UBE2R2: variants seen among roughly 807,000 people sequenced by gnomAD.
The protein encoded by UBE2R2 is ubiquitin conjugating enzyme E2 R2, also known as ubiquitin-conjugating enzyme E2 R2.
Under a neutral mutation model 27.8 loss-of-function variants are expected in UBE2R2, and 1 was observed. That is an observed-to-expected ratio of 0.04 (90% confidence interval 0.01 to 0.17). The LOEUF (loss-of-function observed/expected upper bound fraction) is 0.17. UBE2R2 is among the 10% of genes least tolerant of loss of function. The pLI is 1.00. For synonymous variants in UBE2R2, 106 were observed against 113.3 expected, an observed-to-expected ratio of 0.94 and a Z score of 0.41; for missense variants, 100 against 291.0, an observed-to-expected ratio of 0.34 and a Z score of 4.78.
intron 1 of UBE2R2, chr9:33,818,938 G>A (rs907597256): frequency 6.6e-6 from 1 of 152,060 alleles, no homozygotes; most frequent in Non-Finnish European, 1.5e-5. Flanking sequence ...TATCATTCCA[G>A]AATCTAATGA....
chr9:33,902,743 A>G (rs1466582484), intron 3 of UBE2R2, among the ~76,000 whole-genome samples: 1 of 152,244 alleles, frequency 6.6e-6, no homozygotes, highest in Non-Finnish European at 1.5e-5. Flanking sequence ...AAAGTGTCCT[A>G]CGTAGCAAAT....
chr9:33,894,309 G>T (rs1408193346), intron 2 of UBE2R2, among the ~76,000 whole-genome samples: 1 of 152,134 alleles, frequency 6.6e-6, no homozygotes, highest in Non-Finnish European at 1.5e-5. Flanking sequence ...TCCTAAGTGG[G>T]TGTAAAGTGG....
chr9:33,833,405 G>A (rs1820542128), intron 1 of UBE2R2, among the ~76,000 whole-genome samples: 3 of 151,972 alleles, frequency 2.0e-5, no homozygotes, highest in African/African-American at 7.3e-5. Flanking sequence ...TCACCATGTT[G>A]GCCAGGTTGG....
At chr9:33,903,274 A>C (rs576776288) in intron 3 of UBE2R2, among the ~76,000 whole-genome samples, 1 of 152,210 alleles carries the variant, frequency 6.6e-6, no homozygotes, top group Non-Finnish European at 1.5e-5. Context: ...GCATCCAAAA[A>C]AATCCCCAGT....
chr9:33,817,979 T>C, intron 1 of UBE2R2, 45 bp downstream of exon 1: 1 of 1,567,144 alleles, frequency 6.4e-7, no homozygotes, highest in South Asian at 1.1e-5. Context: ...GGCCGAGGCC[T>C]CCGGCTCCCC....
chr9:33,860,739 A>G (rs1389272334), intron 1 of UBE2R2, among the ~76,000 whole-genome samples: 1 of 152,060 alleles, frequency 6.6e-6, no homozygotes, highest in Non-Finnish European at 1.5e-5. Flanking sequence ...CATCTCTACA[A>G]AAAAATTAAA....
At chr9:33,834,098 T>C (rs1447185463) in intron 1 of UBE2R2, among the ~76,000 whole-genome samples, 2 of 152,174 alleles carry the variant, frequency 1.3e-5, no homozygotes, top group Non-Finnish European at 2.9e-5. Context: ...ATGCTGTAAA[T>C]GTTTGGTAGA....
chr9:33,828,893 C>G (rs1400575673), intron 1 of UBE2R2, among the ~76,000 whole-genome samples: 1 of 152,168 alleles, frequency 6.6e-6, no homozygotes, highest in African/African-American at 2.4e-5. Context: ...GCTGCCATGC[C>G]TGGATACTTT....
chr9:33,916,257 C>T (rs577604872), intron 4 of UBE2R2, among the ~76,000 whole-genome samples: 19 of 152,244 alleles, frequency 1.2e-4, no homozygotes, highest in Non-Finnish European at 2.2e-4. Flanking sequence ...AGGAGAATTG[C>T]TTGAACCTGG....
At position 33,817,285 on chromosome 9, in the gene UBE2R2, C is replaced by A. The variant is rs1171753807; in HGVS notation, c.-473C>A. Among the ~76,000 whole-genome samples the A allele has an allele frequency of 4.0e-5, 6 of 150,846 alleles. No homozygotes were observed. The highest frequency in any genetic ancestry group is 9.7e-5 in the African/African-American group (4 of 41,112). Reference sequence around the variant, plus strand: ...AGACCCCCGCACGCCGCTCTCCCCCCACCCTCTCCTGCCCCGCGCGCCCTC... The same window carrying A: ...AGACCCCCGCACGCCGCTCTCCCCCAACCCTCTCCTGCCCCGCGCGCCCTC... On this transcript the variant is annotated 5_prime_UTR_variant, in exon 1 of 5. Coordinates refer to ENST00000263228, the MANE Select transcript of UBE2R2 (RefSeq NM_017811.4).
chr9:33,854,961 C>T (rs1035547074), intron 1 of UBE2R2, among the ~76,000 whole-genome samples: 4 of 152,008 alleles, frequency 2.6e-5, no homozygotes, highest in Non-Finnish European at 4.4e-5. Context: ...ATCCACCCAC[C>T]GTAGCCTCCC....
At position 33,817,729 on chromosome 9, in the gene UBE2R2, CCGG is replaced by C. The variant is rs1426019103; in HGVS notation, c.-26_-24del. 1 of 1,492,050 alleles carries C rather than the reference CCGG, an allele frequency of 6.7e-7. No homozygotes were observed. Among genetic ancestry groups the C allele is most frequent in the Non-Finnish European group, 8.9e-7 (1 of 1,119,612 alleles). The allele number at this position is 1,492,050 out of a possible 1,614,324, so 92.4% of individuals were successfully genotyped here. Reference sequence around the variant, plus strand: ...GGTGCGTGAGGACTGGGGCCCGGGCCCGGCGCCGCCGCCGCCGCCGCCGCCGCG... The same window carrying C: ...GGTGCGTGAGGACTGGGGCCCGGGCCCGCCGCCGCCGCCGCCGCCGCCGCG... On this transcript the variant is annotated 5_prime_UTR_variant, in exon 1 of 5. Transcript: ENST00000263228.
rs140169417 is a variant in UBE2R2, at chr9:33,856,888, CTTTTTTTT to C, written c.178-29974_178-29967del. On this transcript the variant is annotated intron_variant, in intron 1 of 4. Transcript: ENST00000263228. ...GTCCGTCCTTCCTTCCTTCCTTTCA[CTTTTTTTT>C]TTTTTTTTTTTTTTTTTTGAGACAG... Among the ~76,000 whole-genome samples, 700 of 82,352 alleles carry C rather than the reference CTTTTTTTT, an allele frequency of 8.5e-3. 1 individual carries two copies. The highest frequency in any genetic ancestry group is 0.014 in the Middle Eastern group (2 of 144). 54.0% of individuals were successfully genotyped at this position (82,352 alleles called of 152,430 possible).
At chr9:33,824,149 G>C (rs1820242099) in intron 1 of UBE2R2, among the ~76,000 whole-genome samples, 1 of 152,106 alleles carries the variant, frequency 6.6e-6, no homozygotes, top group Non-Finnish European at 1.5e-5. Context: ...CTGTTTAGTT[G>C]ATTACAAGAT....
chr9:33,816,221 G>C (rs984246355), upstream of UBE2R2, among the ~76,000 whole-genome samples: 4 of 152,192 alleles, frequency 2.6e-5, no homozygotes, highest in Non-Finnish European at 5.9e-5. Flanking sequence ...TTTTTAGGCA[G>C]TTATCCTAGG....
At chr9:33,841,032 C>A (rs919568428) in intron 1 of UBE2R2, among the ~76,000 whole-genome samples, 1 of 152,008 alleles carries the variant, frequency 6.6e-6, no homozygotes, top group Non-Finnish European at 1.5e-5. Context: ...TCAAGCAATT[C>A]TCCTGCCTCA....
intron 3 of UBE2R2, among the ~76,000 whole-genome samples, chr9:33,907,339 C>T (rs1332886383): frequency 6.6e-6 from 1 of 152,000 alleles, no homozygotes; most frequent in Non-Finnish European, 1.5e-5. Context: ...ATCCTCTATC[C>T]TGAAAAGACC....
At chr9:33,861,388 C>G (rs1361349770) in intron 1 of UBE2R2, among the ~76,000 whole-genome samples, 2 of 152,042 alleles carry the variant, frequency 1.3e-5, no homozygotes, top group Non-Finnish European at 2.9e-5. Flanking sequence ...GCCGACATCT[C>G]TACAAACCCC....
chr9:33,883,363 C>A (rs1821775091), intron 1 of UBE2R2, among the ~76,000 whole-genome samples: 1 of 152,096 alleles, frequency 6.6e-6, no homozygotes, highest in African/African-American at 2.4e-5. Context: ...CTATGGCAGA[C>A]CTATACTCCT....
Sources: allele counts gnomAD v4.1 joint callset (sites outside exome capture counted in the v4.1 genomes callset), GRCh38; gene constraint gnomAD v4.1.1; transcripts MANE v1.5; gene names NCBI Gene and HGNC (gene_info 2026-07-23, HGNC 2026-07-21).